GLP2R: variants seen among roughly 807,000 people sequenced by gnomAD.
GLP2R encodes the protein glucagon-like peptide 2 receptor.
In GLP2R, 59 loss-of-function variants were observed where a neutral mutation model predicts 68.2. The observed-to-expected ratio is 0.87, with a 90% CI of 0.70 to 1.07. The LOEUF is 1.07. GLP2R is among the 50% of genes least tolerant of loss of function. GLP2R has a pLI of 0.00. For synonymous variants in GLP2R, 270 were observed against 265.4 expected (o/e 1.02, Z -0.17); for missense variants, 548 against 677.4 (o/e 0.81, Z 2.12).
At chr17:9,877,679 G>A (rs1466835935) in intron 10 of GLP2R, among the ~76,000 whole-genome samples, 1 of 151,942 alleles carries the variant, frequency 6.6e-6, no homozygotes, top group Non-Finnish European at 1.5e-5. Context: ...CACAAGGTCA[G>A]GAGATCGAGA....
rs544233784 is a variant in GLP2R, at chr17:9,888,850, G to A, written c.1327-520G>A. Among the ~76,000 whole-genome samples the A allele has an allele frequency of 5.3e-5, 8 of 152,296 alleles. No homozygotes were observed. In the South Asian group the frequency reaches 1.7e-3, roughly 32 times the overall value. On this transcript the variant is annotated intron_variant, in intron 12 of 12. Transcript: ENST00000262441. Reference sequence around the variant, plus strand: ...GGGAAAAGATTTGACAGTGGGAGGGGCAGAGGCCAGAACAGGTGTTTTCTC... The same window carrying A: ...GGGAAAAGATTTGACAGTGGGAGGGACAGAGGCCAGAACAGGTGTTTTCTC...
chr17:9,838,152 C>T (rs1325443153), intron 3 of GLP2R, among the ~76,000 whole-genome samples: 1 of 152,106 alleles, frequency 6.6e-6, no homozygotes, highest in East Asian at 1.9e-4. Flanking sequence ...GCACAGTACC[C>T]CTGGGAGCAG....
chr17:9,890,631 T>G lies in GLP2R; in HGVS notation c.*926T>G, dbSNP rs1350162446. ...TTGGGGCAAGGAATGTCCCCACCAT[T>G]TTTGGTTTGCCATTGATGCATTGAT... On this transcript the variant is annotated 3_prime_UTR_variant, in exon 13 of 13. Transcript: ENST00000262441. 6.6e-6 allele frequency: 1 copy of G among 152,454 alleles called. No individual in the cohort carries two copies. The highest frequency in any genetic ancestry group is 6.5e-5 in the Admixed American group (1 of 15,300). The allele number at this position is 152,454 out of a possible 1,614,324, so 9.4% of individuals were successfully genotyped here.
chr17:9,830,167 T>TAAA (rs2066667739), intron 1 of GLP2R, among the ~76,000 whole-genome samples: 1 of 152,248 alleles, frequency 6.6e-6, no homozygotes, highest in Non-Finnish European at 1.5e-5. Context: ...CAGTACTTTT[T>TAAA]AGTTTTAGTT....
chr17:9,826,055 A>G lies in GLP2R; in HGVS notation c.-9A>G, dbSNP rs534826304. 6 of 1,608,690 alleles carry G rather than the reference A, an allele frequency of 3.7e-6. No individual in the cohort carries two copies. The highest frequency in any genetic ancestry group is 3.3e-5 in the South Asian group (3 of 90,116). On this transcript the variant is annotated 5_prime_UTR_variant, in exon 1 of 13. Transcript: ENST00000262441. ...GATGTACCCCTACTTGTGAAGGTGCACGAGGAAGATGAAGCTGGGATCGAG... is the reference window on the plus strand; with the variant it reads ...GATGTACCCCTACTTGTGAAGGTGCGCGAGGAAGATGAAGCTGGGATCGAG...
At chr17:9,826,754 T>C (rs1488681812) in intron 1 of GLP2R, among the ~76,000 whole-genome samples, 1 of 152,210 alleles carries the variant, frequency 6.6e-6, no homozygotes, top group Admixed American at 6.5e-5. Context: ...TTCAAAGAAG[T>C]GAAATGCAAA....
At chr17:9,872,003 G>A (rs915536815) in intron 10 of GLP2R, among the ~76,000 whole-genome samples, 4 of 152,222 alleles carry the variant, frequency 2.6e-5, no homozygotes, top group Non-Finnish European at 4.4e-5. Context: ...GATTACAGGC[G>A]TGAGCCACCA....
At chr17:9,865,952 G>T in intron 9 of GLP2R, 1 of 470,632 alleles carries the variant, frequency 2.1e-6, no homozygotes, top group Non-Finnish European at 4.4e-6. Flanking sequence ...AAAGGCATTA[G>T]ATCTTCATGT....
At chr17:9,838,745 T>C (rs868783849) in intron 3 of GLP2R, among the ~76,000 whole-genome samples, 1 of 151,972 alleles carries the variant, frequency 6.6e-6, no homozygotes, top group African/African-American at 2.4e-5. Flanking sequence ...AGAATCCAAA[T>C]GGATCCCTGC....
intron 1 of GLP2R, 105 bp from the exon 2 acceptor site, chr17:9,833,702 A>G: frequency 1.4e-6 from 1 of 692,378 alleles, no homozygotes; most frequent in East Asian, 2.5e-5. Flanking sequence ...GCTGTGGGCC[A>G]TTGTGGGCAC....
chr17:9,868,102 A>G lies in GLP2R; in HGVS notation c.1057-2645A>G, dbSNP rs376190547. On this transcript the variant is annotated intron_variant, in intron 9 of 12. Coordinates refer to ENST00000262441, the MANE Select transcript of GLP2R (RefSeq NM_004246.3). Reference sequence around the variant, plus strand: ...AAGCCAGAGCCTAGGTAACTTACTGAAGTCTTCATTGTTGCAAAAATGAAT... The same window carrying G: ...AAGCCAGAGCCTAGGTAACTTACTGGAGTCTTCATTGTTGCAAAAATGAAT... 6.6e-5 allele frequency among the ~76,000 whole-genome samples: 10 copies of G among 152,334 alleles called. No individual in the cohort carries two copies. In the South Asian group the frequency reaches 2.1e-3, roughly 32 times the overall value.
In GLP2R at chr17:9,857,543, C is replaced by A; in HGVS notation, c.732C>A (p.Asp244Glu). 1 of 1,614,164 alleles carries A rather than the reference C, an allele frequency of 6.2e-7. No individual in the cohort carries two copies. Among genetic ancestry groups the A allele is most frequent in the Non-Finnish European group, 8.5e-7 (1 of 1,180,012 alleles). ...ACAACTCTTACTCCAAGAGGCCTGA[C>A]AATGAGAATGGGTGGATGTCCTACC... ...VFYNSYSKRP[D>E]NENGWMSYLS... is the part of the protein sequence containing the mutation. Residue 244 changes from aspartate to glutamate, a missense_variant, in exon 6 of 13, where the codon GAC (aspartate) becomes GAA (glutamate). Coordinates refer to ENST00000262441, the MANE Select transcript of GLP2R (RefSeq NM_004246.3).
At chr17:9,846,014 A>G (rs761509646) in intron 4 of GLP2R, among the ~76,000 whole-genome samples, 2 of 152,194 alleles carry the variant, frequency 1.3e-5, no homozygotes, top group Non-Finnish European at 2.9e-5. Context: ...AATAATTGTT[A>G]TAATAAGAAA....
In GLP2R at chr17:9,884,362, A is replaced by C. The variant is rs2067222998; in HGVS notation, c.1285-3570A>C. 2.0e-5 allele frequency among the ~76,000 whole-genome samples: 3 copies of C among 152,226 alleles called. No homozygotes were observed. In the South Asian group the frequency reaches 6.2e-4, roughly 32 times the overall value. ...ATAAATTATTATACCTATTTTAAAGATGAAAGAACTGAGGCTCAGAGGACT... is the reference window on the plus strand; with the variant it reads ...ATAAATTATTATACCTATTTTAAAGCTGAAAGAACTGAGGCTCAGAGGACT... On this transcript the variant is annotated intron_variant, in intron 11 of 12. Coordinates refer to ENST00000262441, the MANE Select transcript of GLP2R (RefSeq NM_004246.3).
intron 9 of GLP2R, among the ~76,000 whole-genome samples, chr17:9,869,403 C>A (rs543443835): frequency 1.3e-5 from 2 of 152,322 alleles, no homozygotes; most frequent in South Asian, 4.1e-4. Context: ...CAGAAACGGA[C>A]CCCCCTCTCC....
At position 9,855,612 on chromosome 17, in the gene GLP2R, C is replaced by CT. The variant is rs530616035; in HGVS notation, c.611+1012dup. Among the ~76,000 whole-genome samples, 393 of 152,330 alleles carry CT rather than the reference C, an allele frequency of 2.6e-3. 3 individuals are homozygous for CT. Among genetic ancestry groups the CT allele is most frequent in the African/African-American group, 9.1e-3 (379 of 41,572 alleles). ...AGCTATCAAATTTAAGTGCTTACTC[C>CT]TAAGCGCATTACATGCATTAAGTCG... On this transcript the variant is annotated intron_variant, in intron 5 of 12. Coordinates refer to ENST00000262441, the MANE Select transcript of GLP2R (RefSeq NM_004246.3).
intron 6 of GLP2R, 33 bp downstream of exon 6, chr17:9,857,609 C>T: frequency 6.2e-7 from 1 of 1,606,036 alleles, no homozygotes; most frequent in Non-Finnish European, 8.5e-7. Context: ...ACACTGGACT[C>T]CCCACCTGAT....
chr17:9,826,028 G>C lies in GLP2R; in HGVS notation c.-36G>C, dbSNP rs763283631. ...CTGCGGTGCATCTTGGACGGCTAGA[G>C]AGATGTACCCCTACTTGTGAAGGTG... On this transcript the variant is annotated 5_prime_UTR_variant, in exon 1 of 13. Coordinates refer to ENST00000262441, the MANE Select transcript of GLP2R (RefSeq NM_004246.3). The C allele has an allele frequency of 7.6e-6, 12 of 1,572,370 alleles. No individual in the cohort carries two copies. The African/African-American group carries it at 1.5e-4, about 20-fold the overall frequency.
intron 8 of GLP2R, among the ~76,000 whole-genome samples, chr17:9,861,681 A>G (rs17810219): frequency 0.15 from 23,468 of 152,240 alleles, 2,341 homozygotes; most frequent in Non-Finnish European, 0.23. Context: ...GCTGAAACGT[A>G]TATTGTGTGA....
Sources: gnomAD v4.1 joint callset for allele counts (sites outside exome capture counted in the v4.1 genomes callset) on GRCh38, gnomAD v4.1.1 for gene constraint, MANE v1.5 for transcripts, NCBI Gene and HGNC (gene_info 2026-07-23, HGNC 2026-07-21) for gene names.